Variants in ARID4A observed in about 807,000 individuals in gnomAD.
ARID4A encodes the protein AT-rich interactive domain-containing protein 4A.
ARID4A carries 39 observed loss-of-function variants against 148.6 expected under a neutral mutation model. That is an observed-to-expected ratio of 0.26 (90% confidence interval 0.20 to 0.34). The LOEUF (loss-of-function observed/expected upper bound fraction) is 0.34. ARID4A is among the 10% of genes least tolerant of loss of function. ARID4A has a pLI of 1.00. For synonymous variants in ARID4A, 475 were observed against 481.2 expected, an observed-to-expected ratio of 0.99 and a Z score of 0.17; for missense variants, 1,265 against 1,449.1, an observed-to-expected ratio of 0.87 and a Z score of 2.06.
rs1157584935 is a variant in ARID4A at position 58,330,028 on chromosome 14, A to G, written c.765A>G (p.Leu255=). The change falls in exon 11 of 24, where the codon TTA becomes TTG. Residue 255 remains leucine, a synonymous_variant. Coordinates refer to ENST00000355431, the MANE Select transcript of ARID4A (RefSeq NM_002892.4). ...KPGLQKASIF[L]KTRVVPDNWK... ...GGCTTCAGAAAGCAAGCATCTTCTT[A>G]AAAACTAGAGTTGTTCCTGATAATT... The G allele has an allele frequency of 4.3e-6, 7 of 1,609,402 alleles. No individual in the cohort carries two copies. The African/African-American group carries it at 9.4e-5, about 22-fold the overall frequency.
rs1055097782 is a variant in ARID4A, at chr14:58,330,267, T to C, written c.906+98T>C. 9 of 1,474,830 alleles carry C rather than the reference T, an allele frequency of 6.1e-6. No homozygotes were observed. In the East Asian group the frequency reaches 1.3e-4, roughly 21 times the overall value. 91.4% of individuals were successfully genotyped at this position (1,474,830 alleles called of 1,614,324 possible). ...TTCCCTCTGTTTAGATTCTCTATTA[T>C]TTGTTTCTGTCCGTTTCTAGCATTG... is the stretch of plus-strand genomic sequence containing the variant. On this transcript the variant is annotated intron_variant, in intron 11 of 23. Transcript: ENST00000355431.
chr14:58,341,403 C>T (rs1284849561), intron 11 of ARID4A, among the ~76,000 whole-genome samples: 3 of 152,234 alleles, frequency 2.0e-5, no homozygotes, highest in Non-Finnish European at 2.9e-5. Context: ...AGCTCCAGGG[C>T]TGTCTACTAT....
rs368291723 is a variant in ARID4A at position 58,307,276 on chromosome 14, T to C, written c.274+1164T>C. Among the ~76,000 whole-genome samples, 18 of 152,326 alleles carry C rather than the reference T, an allele frequency of 1.2e-4. No individual in the cohort carries two copies. The East Asian group carries it at 3.1e-3, about 26-fold the overall frequency. On this transcript the variant is annotated intron_variant, in intron 5 of 23. Transcript: ENST00000355431. ...CTTTTAGTTTACTTGATTTGTTGCT[T>C]TGGGTAAAAATCATTCACATCCAGT...
intron 7 of ARID4A, among the ~76,000 whole-genome samples, chr14:58,322,080 C>A (rs1014194719): frequency 4.6e-5 from 7 of 151,846 alleles, no homozygotes; most frequent in Non-Finnish European, 1.0e-4. Context: ...AAGTGATTCT[C>A]GTGCCTCAGC....
Position 58,363,001 on chromosome 14 carries a change from C to T in ARID4A, c.2081-1169C>T, listed in dbSNP as rs563972092. On this transcript the variant is annotated intron_variant, in intron 19 of 23. Transcript: ENST00000355431. ...AAAGGACATCCTTCCTCTTTACTGC[C>T]ATCTGCTGACAAATGTTTAAGATGT... Among the ~76,000 whole-genome samples the T allele has an allele frequency of 3.9e-5, 6 of 152,296 alleles. No individual in the cohort carries two copies. In the South Asian group the frequency reaches 1.2e-3, roughly 32 times the overall value.
rs2035294359 is a variant in ARID4A, at chr14:58,365,077, T to A, written c.2988T>A (p.Pro996=). ...TTGTTTCTATTCCACCTGCCCTACC[T>A]CCTGTAGTCCAACATAACTTTTCAG... is the stretch of plus-strand genomic sequence containing the variant. ...NSLVSIPPAL[P]PVVQHNFSVA... Residue 996 remains proline (P), a synonymous_variant, in exon 20 of 24, where the codon CCT becomes CCA. Transcript: ENST00000355431. The A allele has an allele frequency of 6.2e-7, 1 of 1,614,010 alleles. No individual in the cohort carries two copies. Among genetic ancestry groups the A allele is most frequent in the Non-Finnish European group, 8.5e-7 (1 of 1,180,022 alleles).
intron 11 of ARID4A, among the ~76,000 whole-genome samples, chr14:58,333,804 C>T (rs529608265): frequency 6.6e-6 from 1 of 152,090 alleles, no homozygotes; most frequent in African/African-American, 2.4e-5. Context: ...TATAAACTTA[C>T]AGTAAATGCT....
chr14:58,346,665 C>T (rs1187639009), intron 13 of ARID4A, among the ~76,000 whole-genome samples, 160 bp downstream of exon 13: 1 of 151,770 alleles, frequency 6.6e-6, no homozygotes, highest in Non-Finnish European at 1.5e-5. Flanking sequence ...CGGTGGCTCA[C>T]GCCTGTAATC....
At chr14:58,310,087 T>G (rs1295783807) in intron 5 of ARID4A, among the ~76,000 whole-genome samples, 5 of 152,224 alleles carry the variant, frequency 3.3e-5, no homozygotes, top group Non-Finnish European at 7.3e-5. Context: ...AAAAAGTGTT[T>G]AATCCTATCA....
At chr14:58,306,136 C>A in intron 5 of ARID4A, 24 bp downstream of exon 5, 2 of 1,543,662 alleles carry the variant, frequency 1.3e-6, no homozygotes, top group Non-Finnish European at 1.8e-6. Context: ...TAATTTAACA[C>A]AGATTTGATT....
At chr14:58,340,512 G>A (rs2034064277) in intron 11 of ARID4A, among the ~76,000 whole-genome samples, 1 of 152,136 alleles carries the variant, frequency 6.6e-6, no homozygotes, top group Non-Finnish European at 1.5e-5. Flanking sequence ...GCCACGCCCA[G>A]CTAATTTTTT....
intron 17 of ARID4A, 111 bp downstream of exon 17, chr14:58,353,966 C>A: frequency 1.0e-6 from 1 of 974,496 alleles, no homozygotes; most frequent in Non-Finnish European, 1.5e-6. Flanking sequence ...TTACAAAGCA[C>A]ACCTTGGTTC....
At chr14:58,339,150 T>A (rs11846202) in intron 11 of ARID4A, among the ~76,000 whole-genome samples, 1,593 of 151,476 alleles carry the variant, frequency 0.011, 27 homozygotes, top group African/African-American at 0.035. Flanking sequence ...TATTATTATT[T>A]TTTTTTTATA....
intron 11 of ARID4A, among the ~76,000 whole-genome samples, chr14:58,332,266 T>A (rs1179341399): frequency 1.3e-5 from 2 of 152,128 alleles, no homozygotes; most frequent in Non-Finnish European, 2.9e-5. Flanking sequence ...GGATAGTATC[T>A]TAAAATGTGT....
At chr14:58,322,702 C>T (rs1284982456) in intron 7 of ARID4A, among the ~76,000 whole-genome samples, 3 of 152,038 alleles carry the variant, frequency 2.0e-5, no homozygotes, top group Non-Finnish European at 2.9e-5. Flanking sequence ...TGCCTCACAC[C>T]TGTAATCCCA....
intron 15 of ARID4A, among the ~76,000 whole-genome samples, chr14:58,349,979 C>T (rs958158260): frequency 7.9e-5 from 12 of 151,220 alleles, no homozygotes; most frequent in African/African-American, 2.7e-4. Flanking sequence ...CATGGTGGTG[C>T]GCGCCTGTAG....
Position 58,364,435 on chromosome 14 carries a change from TAA to T in ARID4A, c.2347_2348del (p.Lys783GlufsTer33). On this transcript the variant is annotated frameshift_variant, in exon 20 of 24. Transcript: ENST00000355431. LOFTEE classifies it high-confidence loss of function. The stretch of plus-strand genomic sequence containing the variant: ...ACAAAATGGAAAAAACAGAAGAAGT[TAA>T]GAAAGAAGCCGAAAAATCTCCAAAA... ...GNKMEKTEEVKKEAEKSPKGK... is the reference protein window; with the variant it reads ...GNKMEKTEEVXKEAEKSPKGK... 1 of 1,613,090 alleles carries T rather than the reference TAA, an allele frequency of 6.2e-7. No individual in the cohort carries two copies. Among genetic ancestry groups the T allele is most frequent in the Non-Finnish European group, 8.5e-7 (1 of 1,179,834 alleles).
chr14:58,342,130 T>A (rs974022617), intron 11 of ARID4A, among the ~76,000 whole-genome samples: 6 of 152,246 alleles, frequency 3.9e-5, no homozygotes, highest in African/African-American at 1.4e-4. Context: ...GCAAGGTGAC[T>A]AGCAGCAAGG....
intron 18 of ARID4A, among the ~76,000 whole-genome samples, chr14:58,359,741 C>T (rs917861750): frequency 2.0e-5 from 3 of 151,990 alleles, no homozygotes; most frequent in South Asian, 2.1e-4. Flanking sequence ...TATGCATATA[C>T]GATATTGTGT....
Sources: allele counts gnomAD v4.1 joint callset (sites outside exome capture counted in the v4.1 genomes callset), GRCh38; gene constraint gnomAD v4.1.1; transcripts MANE v1.5; gene names NCBI Gene and HGNC (gene_info 2026-07-23, HGNC 2026-07-21).